CRYZL1: variants seen among roughly 807,000 people sequenced by gnomAD.
CRYZL1 encodes crystallin zeta like 1, also known as ferry endosomal RAB5 effector complex subunit 4.
Under a neutral mutation model 50.6 loss-of-function variants are expected in CRYZL1, and 34 were observed. The ratio of observed to expected loss-of-function variants is 0.67; its 90% confidence interval spans 0.51 to 0.89. The LOEUF is 0.89. Among genes scored for constraint, CRYZL1 ranks in the 40% least tolerant of loss-of-function variants. The pLI, the probability that CRYZL1 is intolerant of heterozygous loss-of-function variation, is 0.00. For synonymous variants in CRYZL1, 125 were observed against 134.3 expected (o/e 0.93, Z 0.48); for missense variants, 354 against 402.3 (o/e 0.88, Z 1.03).
chr21:33,629,545 G>A (rs553304827), intron 2 of CRYZL1, among the ~76,000 whole-genome samples: 1 of 152,366 alleles, frequency 6.6e-6, no homozygotes, highest in South Asian at 2.1e-4. Context: ...TTACAGGCGT[G>A]AGCCACCATG....
chr21:33,605,604 C>T (rs1212263732), intron 6 of CRYZL1, among the ~76,000 whole-genome samples: 4 of 126,906 alleles, frequency 3.2e-5, no homozygotes, highest in Non-Finnish European at 6.2e-5. Flanking sequence ...TCACTGCACC[C>T]TCCCCCTCCT....
chr21:33,608,314 G>T (rs1330678375), intron 6 of CRYZL1, among the ~76,000 whole-genome samples: 1 of 152,132 alleles, frequency 6.6e-6, no homozygotes, highest in Non-Finnish European at 1.5e-5. Flanking sequence ...AAGTAGCCAG[G>T]TGTGGCGGCT....
At chr21:33,609,052 T>G (rs2086843032) in intron 6 of CRYZL1, among the ~76,000 whole-genome samples, 1 of 152,234 alleles carries the variant, frequency 6.6e-6, no homozygotes, top group Non-Finnish European at 1.5e-5. Context: ...CTGACAGGTA[T>G]GAGATGGTAT....
chr21:33,615,966 A>C (rs1047700308), intron 5 of CRYZL1, among the ~76,000 whole-genome samples: 3 of 152,196 alleles, frequency 2.0e-5, no homozygotes, highest in African/African-American at 7.2e-5. Context: ...GTTTTAGGGT[A>C]CATGTGCACA....
chr21:33,597,238 C>G (rs747024237), intron 10 of CRYZL1, 42 bp downstream of exon 10: 1 of 1,590,080 alleles, frequency 6.3e-7, no homozygotes, highest in Non-Finnish European at 8.6e-7. Flanking sequence ...TTAATTACAC[C>G]CCTTTGGTGT....
intron 6 of CRYZL1, among the ~76,000 whole-genome samples, chr21:33,605,626 A>G (rs573303349): frequency 1.2e-3 from 176 of 143,972 alleles, no homozygotes; most frequent in Non-Finnish European, 2.2e-3. Context: ...GGTTCAAGCA[A>G]TTCTCCTGCC....
At chr21:33,616,627 A>T in intron 5 of CRYZL1, 79 bp downstream of exon 5, 1 of 1,601,522 alleles carries the variant, frequency 6.2e-7, no homozygotes, top group Non-Finnish European at 8.5e-7. Flanking sequence ...GGTCACAGTG[A>T]ACATTAATAG....
At chr21:33,640,250 T>G (rs1489279366) in intron 1 of CRYZL1, 43 of 1,540,948 alleles carry the variant, frequency 2.8e-5, no homozygotes, top group Non-Finnish European at 3.3e-5. Context: ...CAGCTTTATC[T>G]TGTATGGCGA....
intron 1 of CRYZL1, among the ~76,000 whole-genome samples, chr21:33,638,985 C>T (rs1225899368): frequency 1.3e-5 from 2 of 152,074 alleles, no homozygotes; most frequent in Admixed American, 1.3e-4. Context: ...AAGGCATATT[C>T]GATTGAATTT....
chr21:33,603,345 T>C, intron 7 of CRYZL1, 59 bp downstream of exon 7: 1 of 1,586,770 alleles, frequency 6.3e-7, no homozygotes, highest in Non-Finnish European at 8.6e-7. Flanking sequence ...GGCTCATTGC[T>C]AAATTTCCTA....
At chr21:33,613,728 T>C (rs2086897914) in intron 5 of CRYZL1, 122 bp from the exon 6 acceptor site, 1 of 685,718 alleles carries the variant, frequency 1.5e-6, no homozygotes, top group East Asian at 2.6e-5. Context: ...ATTACTAGTG[T>C]GGACAAGAAA....
intron 1 of CRYZL1, among the ~76,000 whole-genome samples, chr21:33,633,137 C>T (rs1269669149): frequency 2.0e-5 from 3 of 152,200 alleles, no homozygotes; most frequent in Admixed American, 1.3e-4. Context: ...CCACTATAGA[C>T]AGACACTTGA....
chr21:33,595,211 T>C (rs2086682117), intron 11 of CRYZL1: 1 of 1,114,344 alleles, frequency 9.0e-7, no homozygotes, highest in Non-Finnish European at 1.1e-6. Flanking sequence ...TGAATGACTT[T>C]TGTTTCAAAA....
intron 8 of CRYZL1, among the ~76,000 whole-genome samples, chr21:33,601,053 T>C (rs1388885093): frequency 7.4e-5 from 11 of 149,252 alleles, no homozygotes; most frequent in Non-Finnish European, 1.3e-4. Context: ...TCTCCTGCCT[T>C]AGCCTCCTGA....
chr21:33,595,160 C>T (rs1167100615), intron 11 of CRYZL1: 1 of 1,070,448 alleles, frequency 9.3e-7, no homozygotes, highest in African/African-American at 1.7e-5. Flanking sequence ...TATTTTTACT[C>T]AACTGGAATG....
At chr21:33,612,287 ATT>A (rs890783134) in intron 6 of CRYZL1, among the ~76,000 whole-genome samples, 10 of 138,688 alleles carry the variant, frequency 7.2e-5, no homozygotes, top group Non-Finnish European at 1.1e-4. Flanking sequence ...TGGGATGGTC[ATT>A]TTTTTTTTTT....
intron 5 of CRYZL1, among the ~76,000 whole-genome samples, chr21:33,615,966 A>G (rs1047700308): frequency 1.3e-5 from 2 of 152,196 alleles, no homozygotes; most frequent in African/African-American, 2.4e-5. Context: ...GTTTTAGGGT[A>G]CATGTGCACA....
At chr21:33,634,317 C>T (rs980627271) in intron 1 of CRYZL1, among the ~76,000 whole-genome samples, 10 of 152,116 alleles carry the variant, frequency 6.6e-5, no homozygotes, top group African/African-American at 2.4e-4. Context: ...CCACAATGTC[C>T]AAGCACATAC....
At position 33,589,658 on chromosome 21, in the gene CRYZL1, C is replaced by A; in HGVS notation, c.*164G>T. 1.8e-6 allele frequency: 1 copy of A among 564,088 alleles called. No homozygotes were observed. Among genetic ancestry groups the A allele is most frequent in the Non-Finnish European group, 3.2e-6 (1 of 310,608 alleles). 34.9% of individuals were successfully genotyped at this position (564,088 alleles called of 1,614,324 possible). The stretch of plus-strand genomic sequence containing the variant: ...ATCATTTGCACAAGAATTTTTCAAA[C>A]ACTTTTCAAATGTGTCAACTGAGCA... On this transcript the variant is annotated 3_prime_UTR_variant, in exon 13 of 13. Coordinates refer to ENST00000381554, the MANE Select transcript of CRYZL1 (RefSeq NM_145858.3).
Sources: allele counts gnomAD v4.1 joint callset (sites outside exome capture counted in the v4.1 genomes callset), GRCh38; gene constraint gnomAD v4.1.1; transcripts MANE v1.5; gene names NCBI Gene and HGNC (gene_info 2026-07-23, HGNC 2026-07-21).